Variants in PCDH15 observed in about 807,000 individuals in gnomAD.
PCDH15 encodes protocadherin related 15, also known as protocadherin-15.
A neutral mutation model predicts 178.5 loss-of-function variants in PCDH15; 129 were observed. The ratio of observed to expected loss-of-function variants is 0.72; its 90% CI spans 0.63 to 0.84. The LOEUF (loss-of-function observed/expected upper bound fraction) is 0.84. PCDH15 is among the 40% of genes least tolerant of loss of function. The probability of loss-of-function intolerance (pLI) is 0.00; values close to 1 mark genes in which losing one functional copy is unlikely to be tolerated. For synonymous variants in PCDH15, 800 were observed against 732.0 expected (o/e 1.09, Z -1.50); for missense variants, 2,230 against 2,099.9 (o/e 1.06, Z -1.21).
chr10:54,116,711 T>C (rs1480092263), intron 15 of PCDH15, among the ~76,000 whole-genome samples: 1 of 152,202 alleles, frequency 6.6e-6, no homozygotes, highest in South Asian at 2.1e-4. Flanking sequence ...TGAGGTCCAA[T>C]AACCAGTGTC....
chr10:54,937,306 C>T (rs1185847345), intron 2 of PCDH15, among the ~76,000 whole-genome samples: 1 of 151,796 alleles, frequency 6.6e-6, no homozygotes, highest in African/African-American at 2.4e-5. Context: ...CCTTGAATTT[C>T]AGAATGACTT....
At chr10:55,482,612 A>C (rs1396113549) in intron 2 of PCDH15, among the ~76,000 whole-genome samples, 1 of 151,636 alleles carries the variant, frequency 6.6e-6, no homozygotes, top group Non-Finnish European at 1.5e-5. Flanking sequence ...CTGGATTGGA[A>C]TTTTTTTCCT....
chr10:55,482,488 AG>A (rs34206461), intron 2 of PCDH15, among the ~76,000 whole-genome samples: 1 of 151,744 alleles, frequency 6.6e-6, no homozygotes, highest in African/African-American at 2.4e-5. Context: ...TGCTTCCTTT[AG>A]GAGCTCTTAC....
intron 26 of PCDH15, among the ~76,000 whole-genome samples, chr10:53,881,914 A>G (rs1169785341): frequency 6.6e-6 from 1 of 151,974 alleles, no homozygotes; most frequent in Non-Finnish European, 1.5e-5. Flanking sequence ...ACAATTTACT[A>G]TACAGGATGA....
rs116010548 is a variant in PCDH15 at position 53,942,528 on chromosome 10, C to T, written c.3123-1553G>A. ...TAAGATTATGACTTGACTAGATTCT[C>T]GCTAGCCAACTTTTTGGGTATATCC... On this transcript the variant is annotated intron_variant, in intron 23 of 37. Transcript: ENST00000644397. Among the ~76,000 whole-genome samples the T allele has an allele frequency of 2.4e-3, 372 of 152,268 alleles. 2 individuals are homozygous for T. The highest frequency in any genetic ancestry group is 7.8e-3 in the African/African-American group (325 of 41,550).
intron 15 of PCDH15, among the ~76,000 whole-genome samples, chr10:54,094,049 G>A (rs893208163): frequency 6.6e-6 from 1 of 152,142 alleles, no homozygotes; most frequent in Non-Finnish European, 1.5e-5. Context: ...TTTAACGGGG[G>A]AGATTCTGGA....
At chr10:54,959,155 G>A (rs879695169) in intron 2 of PCDH15, among the ~76,000 whole-genome samples, 6 of 151,554 alleles carry the variant, frequency 4.0e-5, no homozygotes, top group Non-Finnish European at 8.9e-5. Flanking sequence ...AGGATGAAGA[G>A]AAAAAGGAGG....
intron 21 of PCDH15, among the ~76,000 whole-genome samples, chr10:53,982,263 G>A (rs545588567): frequency 2.0e-5 from 3 of 152,264 alleles, no homozygotes; most frequent in South Asian, 4.1e-4. Context: ...TCAGTGTGGC[G>A]ATTCCTCAGG....
intron 2 of PCDH15, among the ~76,000 whole-genome samples, chr10:55,400,999 A>G (rs1046519735): frequency 4.6e-5 from 7 of 152,114 alleles, no homozygotes; most frequent in African/African-American, 1.7e-4. Flanking sequence ...TGAAGCACTA[A>G]AAATCAAGCC....
chr10:54,404,779 T>C (rs1952415190), intron 3 of PCDH15, among the ~76,000 whole-genome samples: 1 of 151,912 alleles, frequency 6.6e-6, no homozygotes, highest in Non-Finnish European at 1.5e-5. Flanking sequence ...ATTCAGCAAC[T>C]AAAAGGAATT....
At chr10:55,415,281 A>G (rs111651461) in intron 2 of PCDH15, among the ~76,000 whole-genome samples, 1,894 of 151,720 alleles carry the variant, frequency 0.012, 50 homozygotes, top group African/African-American at 0.044. Context: ...TATGTTCTTT[A>G]TATTTCAGAG....
chr10:55,599,859 G>C, intron 2 of PCDH15: 1 of 1,333,688 alleles, frequency 7.5e-7, no homozygotes, highest in East Asian at 2.6e-5. Context: ...AACTTGCAAA[G>C]GTAGCATAAT....
intron 2 of PCDH15, among the ~76,000 whole-genome samples, chr10:54,647,811 C>T (rs1240382133): frequency 6.6e-6 from 1 of 152,048 alleles, no homozygotes; most frequent in South Asian, 2.1e-4. Context: ...TTCTGTAGCC[C>T]TCTCACTAGT....
At chr10:55,090,117 T>C (rs1196572163) in intron 2 of PCDH15, among the ~76,000 whole-genome samples, 1 of 152,078 alleles carries the variant, frequency 6.6e-6, no homozygotes, top group Non-Finnish European at 1.5e-5. Context: ...TGGTAAATTC[T>C]GCAATATGCT....
chr10:53,964,442 A>T (rs935799742), intron 21 of PCDH15, among the ~76,000 whole-genome samples: 17 of 22,308 alleles, frequency 7.6e-4, no homozygotes, highest in Non-Finnish European at 1.4e-3. Flanking sequence ...AAATTTTTAT[A>T]AAATTTTATT....
intron 21 of PCDH15, among the ~76,000 whole-genome samples, chr10:53,978,997 C>T (rs1238044593): frequency 6.6e-6 from 1 of 152,156 alleles, no homozygotes; most frequent in African/African-American, 2.4e-5. Flanking sequence ...ATCTTCTTGT[C>T]TTCTTCTGAG....
chr10:54,865,376 A>G (rs957138932), intron 3 of PCDH15, among the ~76,000 whole-genome samples: 2 of 152,186 alleles, frequency 1.3e-5, no homozygotes, highest in African/African-American at 2.4e-5. Context: ...GGGGACGCTC[A>G]AGACTTTGAC....
At chr10:54,046,768 C>T (rs553054228) in intron 18 of PCDH15, among the ~76,000 whole-genome samples, 31 of 152,192 alleles carry the variant, frequency 2.0e-4, no homozygotes, top group African/African-American at 7.5e-4. Context: ...ATATACTAAA[C>T]TGTACATTTA....
chr10:54,141,409 A>G (rs186963440), intron 14 of PCDH15, among the ~76,000 whole-genome samples: 8 of 152,274 alleles, frequency 5.3e-5, no homozygotes, highest in Admixed American at 3.9e-4. Context: ...CAAATAGTAC[A>G]TTATATATTT....
Sources: gnomAD v4.1 joint callset for allele counts (sites outside exome capture counted in the v4.1 genomes callset) on GRCh38, gnomAD v4.1.1 for gene constraint, MANE v1.5 for transcripts, NCBI Gene and HGNC (gene_info 2026-07-23, HGNC 2026-07-21) for gene names.